The following NECTIN3 variants were observed in gnomAD, a reference collection of about 807,000 sequenced individuals.
The protein encoded by NECTIN3 is nectin-3.
In NECTIN3, 8 loss-of-function variants were observed where a neutral mutation model predicts 49.4. The ratio of observed to expected loss-of-function variants is 0.16; its 90% CI spans 0.10 to 0.29. NECTIN3 has a LOEUF of 0.29. Among genes scored for constraint, NECTIN3 ranks in the 10% least tolerant of loss-of-function variants. The probability of loss-of-function intolerance (pLI) is 1.00; values close to 1 mark genes in which losing one functional copy is unlikely to be tolerated. For synonymous variants in NECTIN3, 277 were observed against 241.1 expected (o/e 1.15, Z -1.38); for missense variants, 581 against 654.6 (o/e 0.89, Z 1.23).
At chr3:111,169,685 A>G (rs972284692) in intron 7 of NECTIN3, among the ~76,000 whole-genome samples, 1 of 152,130 alleles carries the variant, frequency 6.6e-6, no homozygotes, top group Non-Finnish European at 1.5e-5. Context: ...TTTATCTCCT[A>G]ACTAACTCCT....
chr3:111,072,862 A>C (rs573571122), intron 1 of NECTIN3: 132 of 301,848 alleles, frequency 4.4e-4, no homozygotes, highest in African/African-American at 2.7e-3. Flanking sequence ...ACCTGATTTC[A>C]TGGACTGTGT....
At chr3:111,106,797 G>A (rs1009351455) in intron 1 of NECTIN3, among the ~76,000 whole-genome samples, 1 of 152,090 alleles carries the variant, frequency 6.6e-6, no homozygotes, top group Non-Finnish European at 1.5e-5. Context: ...TTTCAAAGGT[G>A]GTGTTTAGTT....
At chr3:111,165,895 GT>G (rs1165833026) in intron 7 of NECTIN3, among the ~76,000 whole-genome samples, 2 of 152,196 alleles carry the variant, frequency 1.3e-5, no homozygotes, top group Non-Finnish European at 2.9e-5. Context: ...AATTCCAGCT[GT>G]AATTCAGAAA....
At chr3:111,175,038 G>A (rs918639857) in intron 7 of NECTIN3, among the ~76,000 whole-genome samples, 22 of 152,032 alleles carry the variant, frequency 1.4e-4, no homozygotes, top group South Asian at 6.2e-4. Context: ...AGCTGGCAGC[G>A]GGGATGGAGT....
At chr3:111,094,451 A>G (rs2032469614) in intron 1 of NECTIN3, among the ~76,000 whole-genome samples, 1 of 152,110 alleles carries the variant, frequency 6.6e-6, no homozygotes, top group Non-Finnish European at 1.5e-5. Context: ...GTGAGGAGTT[A>G]TTTGATGCTG....
At chr3:111,159,539 C>T (rs757630970) in intron 7 of NECTIN3, among the ~76,000 whole-genome samples, 15 of 151,514 alleles carry the variant, frequency 9.9e-5, no homozygotes, top group Non-Finnish European at 1.8e-4. Context: ...TATGAGTTAC[C>T]TAACTTGACA....
intron 7 of NECTIN3, among the ~76,000 whole-genome samples, chr3:111,176,097 C>T (rs2035523312): frequency 6.6e-6 from 1 of 152,020 alleles, no homozygotes; most frequent in African/African-American, 2.4e-5. Context: ...TTTTAGGGGC[C>T]AGAAGAAAAT....
intron 2 of NECTIN3, among the ~76,000 whole-genome samples, chr3:111,112,615 G>T (rs2033520102): frequency 6.6e-6 from 1 of 152,140 alleles, no homozygotes; most frequent in East Asian, 1.9e-4. Context: ...CTTTATGAAA[G>T]ATAGTGATGA....
intron 5 of NECTIN3, among the ~76,000 whole-genome samples, chr3:111,130,262 GT>G (rs62747660): frequency 0.079 from 11,230 of 142,900 alleles, 934 homozygotes; most frequent in East Asian, 0.24. Flanking sequence ...AGCCGAGAAT[GT>G]TTTTTTTTTT....
At chr3:111,192,277 A>G, upstream of NECTIN3, 1 of 1,332,788 alleles carries the variant, frequency 7.5e-7, no homozygotes, top group South Asian at 1.3e-5. Flanking sequence ...GGCTCTTTTA[A>G]AAATAGGAAT....
At chr3:111,127,677 C>A (rs1032040548) in intron 5 of NECTIN3, among the ~76,000 whole-genome samples, 10 of 151,866 alleles carry the variant, frequency 6.6e-5, no homozygotes, top group African/African-American at 2.4e-4. Context: ...GCAATCCTCC[C>A]ACCTCAGCCT....
rs548486024 is a variant in NECTIN3, at chr3:111,147,854, A to C, written c.1221+370A>C. On this transcript the variant is annotated intron_variant, in intron 7 of 8. Transcript: ENST00000493615. Reference sequence around the variant, plus strand: ...ATTGTAAAATAAAAAGTAGAAAATGAATATCTGTTGAGTAGCATGAAGGGC... The same window carrying C: ...ATTGTAAAATAAAAAGTAGAAAATGCATATCTGTTGAGTAGCATGAAGGGC... Among the ~76,000 whole-genome samples the C allele has an allele frequency of 3.3e-5, 5 of 152,302 alleles. No individual in the cohort carries two copies. In the South Asian group the frequency reaches 1.0e-3, roughly 32 times the overall value.
intron 2 of NECTIN3, among the ~76,000 whole-genome samples, chr3:111,115,367 A>G (rs539325998): frequency 2.0e-5 from 3 of 152,232 alleles, no homozygotes; most frequent in East Asian, 1.9e-4. Flanking sequence ...TTTGAGCTCT[A>G]TATTACTGGA....
upstream of NECTIN3, among the ~76,000 whole-genome samples, chr3:111,187,762 A>C (rs1175249558): frequency 1.3e-5 from 2 of 152,200 alleles, no homozygotes; most frequent in East Asian, 3.9e-4. Flanking sequence ...AGAGACTGGA[A>C]AAAGATAAAT....
At chr3:111,122,260 GA>G (rs1427152013) in intron 4 of NECTIN3, 22 bp downstream of exon 4, 1 of 1,527,162 alleles carries the variant, frequency 6.5e-7, no homozygotes, top group Non-Finnish European at 9.0e-7. Context: ...TACTTCGAAA[GA>G]GAAATTATCT....
intron 1 of NECTIN3, among the ~76,000 whole-genome samples, chr3:111,083,105 C>G (rs2031723008): frequency 1.3e-5 from 2 of 152,132 alleles, no homozygotes; most frequent in African/African-American, 4.8e-5. Context: ...TTGCCCACCA[C>G]TCACTTTCTG....
At chr3:111,149,900 G>T (rs1049288455) in intron 7 of NECTIN3, among the ~76,000 whole-genome samples, 2 of 151,830 alleles carry the variant, frequency 1.3e-5, no homozygotes, top group Non-Finnish European at 2.9e-5. Flanking sequence ...TAAAATTTTT[G>T]AAAACACTGC....
chr3:111,125,287 C>T (rs960168711), intron 4 of NECTIN3, among the ~76,000 whole-genome samples: 1 of 151,908 alleles, frequency 6.6e-6, no homozygotes, highest in African/African-American at 2.4e-5. Flanking sequence ...CCTCGGCCTC[C>T]CAAAGTGCTG....
chr3:111,119,842 A>T (rs2033868543), intron 3 of NECTIN3, among the ~76,000 whole-genome samples: 1 of 152,108 alleles, frequency 6.6e-6, no homozygotes, highest in Non-Finnish European at 1.5e-5. Context: ...TTATAAATCT[A>T]GGTGTTTTTG....
Sources: gnomAD v4.1 joint callset for allele counts (sites outside exome capture counted in the v4.1 genomes callset) on GRCh38, gnomAD v4.1.1 for gene constraint, MANE v1.5 for transcripts, NCBI Gene and HGNC (gene_info 2026-07-23, HGNC 2026-07-21) for gene names.